Variants in GALM observed in about 807,000 individuals in gnomAD.
GALM encodes aldose 1-epimerase.
GALM carries 43 observed loss-of-function variants against 37.4 expected under a neutral mutation model. That is an observed-to-expected ratio of 1.15 (90% CI 0.90 to 1.48). The LOEUF (loss-of-function observed/expected upper bound fraction) is 1.48, where lower values mean the gene tolerates loss of function less well. Ranked by LOEUF, GALM falls within the 40% of genes most tolerant of loss-of-function variation. The pLI, the probability that GALM is intolerant of heterozygous loss-of-function variation, is 0.00. For missense variants in GALM, 456 were observed against 419.1 expected, an observed-to-expected ratio of 1.09 and a Z score of -0.77; for synonymous variants, 199 against 170.6, an observed-to-expected ratio of 1.17 and a Z score of -1.30.
chr2:38,683,073 G>A (rs536000455), intron 3 of GALM, among the ~76,000 whole-genome samples: 1 of 152,014 alleles, frequency 6.6e-6, no homozygotes, highest in Admixed American at 6.5e-5. Context: ...TACATTTTTT[G>A]CATACTTAGG....
intron 3 of GALM, among the ~76,000 whole-genome samples, chr2:38,689,397 AC>A (rs1055186777): frequency 6.6e-6 from 1 of 151,838 alleles, no homozygotes; most frequent in Non-Finnish European, 1.5e-5. Context: ...TGCCAGGTGC[AC>A]CCCCAGGAGT....
intron 4 of GALM, among the ~76,000 whole-genome samples, chr2:38,718,128 C>T (rs948298508): frequency 6.6e-6 from 1 of 151,636 alleles, no homozygotes; most frequent in Non-Finnish European, 1.5e-5. Flanking sequence ...TGAGCCACTG[C>T]CCCCAGCCAG....
chr2:38,725,522 C>T (rs1381932320), intron 4 of GALM, among the ~76,000 whole-genome samples: 1 of 148,910 alleles, frequency 6.7e-6, no homozygotes, highest in Non-Finnish European at 1.5e-5. Flanking sequence ...GGTAACAGAA[C>T]GAGACCCTCG....
Position 38,681,377 on chromosome 2 carries a change from T to G in GALM, c.443T>G (p.Val148Gly), listed in dbSNP as rs1040391197. 1.2e-6 allele frequency: 2 copies of G among 1,613,986 alleles called. No individual in the cohort carries two copies. The highest frequency in any genetic ancestry group is 1.7e-6 in the Non-Finnish European group (2 of 1,180,000). ...TACCCCGGAGAGTTAAAAGTCTGGG[T>G]GACATACACCCTGGATGGCGGAGAG... The part of the protein sequence containing the change: ...EGYPGELKVW[V>G]TYTLDGGELI... Residue 148 changes from valine to glycine, a missense_variant, in exon 3 of 7, where the codon GTG becomes GGG. By Grantham distance (109) the Val-to-Gly change is moderately radical. Transcript: ENST00000272252.
At chr2:38,694,000 G>A (rs1428497059) in intron 4 of GALM, among the ~76,000 whole-genome samples, 2 of 152,058 alleles carry the variant, frequency 1.3e-5, no homozygotes, top group South Asian at 2.1e-4. Flanking sequence ...GGCAACATAG[G>A]GAGACCCTGT....
chr2:38,688,369 G>C (rs886948083), intron 3 of GALM, among the ~76,000 whole-genome samples: 2 of 152,108 alleles, frequency 1.3e-5, no homozygotes, highest in African/African-American at 4.8e-5. Context: ...AAATTAGCCA[G>C]ACGTGGTGGT....
chr2:38,706,050 A>G (rs1157525689), intron 4 of GALM, among the ~76,000 whole-genome samples: 1 of 151,132 alleles, frequency 6.6e-6, no homozygotes, highest in African/African-American at 2.4e-5. Flanking sequence ...CTGTTGCCCA[A>G]GCTGGAGTGC....
At chr2:38,673,630 G>A (rs1665167888) in intron 1 of GALM, among the ~76,000 whole-genome samples, 1 of 152,080 alleles carries the variant, frequency 6.6e-6, no homozygotes, top group Non-Finnish European at 1.5e-5. Context: ...CTAACACGGT[G>A]AAACCCCGTC....
chr2:38,715,942 G>A (rs1666262514), intron 4 of GALM, among the ~76,000 whole-genome samples: 2 of 152,206 alleles, frequency 1.3e-5, no homozygotes, highest in South Asian at 4.1e-4. Context: ...CTTCAGAGAA[G>A]CTAAGCAGCC....
At chr2:38,719,129 T>C (rs1666326009) in intron 4 of GALM, among the ~76,000 whole-genome samples, 1 of 151,874 alleles carries the variant, frequency 6.6e-6, no homozygotes, top group Admixed American at 6.6e-5. Context: ...GTCCTGTGCA[T>C]GTTCTCTCCT....
chr2:38,671,088 G>GC (rs11440818), intron 1 of GALM, among the ~76,000 whole-genome samples: 35,899 of 152,098 alleles, frequency 0.24, 4,897 homozygotes, highest in East Asian at 0.55. Context: ...AGGAAAGGGG[G>GC]AAGCGTTTCC....
chr2:38,734,113 T>C lies in GALM; in HGVS notation c.*548T>C, dbSNP rs1666659135. The C allele has an allele frequency of 6.1e-6, 1 of 162,738 alleles. No homozygotes were observed. Among genetic ancestry groups the C allele is most frequent in the African/African-American group, 2.4e-5 (1 of 41,634 alleles). 10.1% of individuals were successfully genotyped at this position (162,738 alleles called of 1,614,324 possible). On this transcript the variant is annotated 3_prime_UTR_variant, in exon 7 of 7. Transcript: ENST00000272252. ...GACCAACAAGCTAATAAATAAAAAG[T>C]TGAGGCCGGGCACGGTGGCTCACGC... is the stretch of plus-strand genomic sequence containing the variant.
At chr2:38,717,404 C>T (rs373134638) in intron 4 of GALM, among the ~76,000 whole-genome samples, 4 of 150,280 alleles carry the variant, frequency 2.7e-5, no homozygotes, top group South Asian at 2.1e-4. Flanking sequence ...AATATTAGTT[C>T]CATTTTTCTT....
Position 38,733,918 on chromosome 2 carries a change from A to G in GALM, c.*353A>G. The G allele has an allele frequency of 3.1e-6, 1 of 319,944 alleles. No homozygotes were observed. Among genetic ancestry groups the G allele is most frequent in the South Asian group, 3.1e-5 (1 of 32,376 alleles). The allele number at this position is 319,944 out of a possible 1,614,324, so 19.8% of individuals were successfully genotyped here. On this transcript the variant is annotated 3_prime_UTR_variant, in exon 7 of 7. Transcript: ENST00000272252. Reference sequence around the variant, plus strand: ...TTTTGCCCTTCCTTTCTTTAAAGCTATTCTCACATTGCTTTTATTTCCTCC... The same window carrying G: ...TTTTGCCCTTCCTTTCTTTAAAGCTGTTCTCACATTGCTTTTATTTCCTCC...
chr2:38,725,173 T>C (rs998633003), intron 4 of GALM, among the ~76,000 whole-genome samples: 1 of 152,194 alleles, frequency 6.6e-6, no homozygotes, highest in Non-Finnish European at 1.5e-5. Flanking sequence ...ACTCAGAATA[T>C]AGGTTGGTAA....
At chr2:38,667,985 C>G (rs1664999865) in intron 1 of GALM, among the ~76,000 whole-genome samples, 1 of 152,194 alleles carries the variant, frequency 6.6e-6, no homozygotes, top group Admixed American at 6.5e-5. Flanking sequence ...AATCTGAACA[C>G]AGGCCTTGCC....
intron 4 of GALM, among the ~76,000 whole-genome samples, chr2:38,696,278 C>A (rs1035991024): frequency 2.6e-5 from 4 of 151,754 alleles, no homozygotes; most frequent in African/African-American, 7.3e-5. Flanking sequence ...TGCCACCACA[C>A]CTGGCTAATT....
chr2:38,704,686 A>G (rs925604424), intron 4 of GALM, among the ~76,000 whole-genome samples: 5 of 152,006 alleles, frequency 3.3e-5, no homozygotes, highest in African/African-American at 1.2e-4. Context: ...AAAAAAAAAA[A>G]AAGTAAGGCT....
Position 38,733,475 on chromosome 2 carries a change from T to G in GALM, c.952-13T>G. On this transcript the variant is annotated splice_polypyrimidine_tract_variant and intron_variant, in intron 6 of 6. Transcript: ENST00000272252. ...CGGTGTCAAGCATCACCTGTGTTGT[T>G]TCCCCTTCACAGCCCCGCTTCCCTC... 1 of 1,611,508 alleles carries G rather than the reference T, an allele frequency of 6.2e-7. No individual in the cohort carries two copies. Among genetic ancestry groups the G allele is most frequent in the Non-Finnish European group, 8.5e-7 (1 of 1,177,892 alleles).
Sources: gnomAD v4.1 joint callset for allele counts (sites outside exome capture counted in the v4.1 genomes callset) on GRCh38, gnomAD v4.1.1 for gene constraint, MANE v1.5 for transcripts, NCBI Gene and HGNC (gene_info 2026-07-23, HGNC 2026-07-21) for gene names.